PTPN5: variants seen among roughly 807,000 people sequenced by gnomAD.
PTPN5 encodes the protein tyrosine-protein phosphatase non-receptor type 5.
A neutral mutation model predicts 73.9 loss-of-function variants in PTPN5; 29 were observed. That is an observed-to-expected ratio of 0.39 (90% CI 0.29 to 0.54). The LOEUF is 0.54. Ranked by LOEUF, PTPN5 falls within the 20% of genes least tolerant of loss-of-function variation. The probability of loss-of-function intolerance (pLI) is 0.65; values close to 1 mark genes in which losing one functional copy is unlikely to be tolerated. For synonymous variants in PTPN5, 267 were observed against 304.7 expected, an observed-to-expected ratio of 0.88 and a Z score of 1.29; for missense variants, 652 against 751.4, an observed-to-expected ratio of 0.87 and a Z score of 1.55.
chr11:18,728,665 G>A lies in PTPN5; in HGVS notation c.*269C>T. 1 of 406,694 alleles carries A rather than the reference G, an allele frequency of 2.5e-6. No individual in the cohort carries two copies. The highest frequency in any genetic ancestry group is 3.9e-5 in the South Asian group (1 of 25,652). 25.2% of individuals were successfully genotyped at this position (406,694 alleles called of 1,614,324 possible). A position where few individuals can be genotyped will look rare whatever the true frequency, so the allele number is the denominator to read the frequency against. ...TTGATGGAACCATCGTTAAAAACTG[G>A]AGCCCGGGGTCTGCGTGGTGTGGGT... On this transcript the variant is annotated 3_prime_UTR_variant, in exon 15 of 15. Coordinates refer to ENST00000358540, the MANE Select transcript of PTPN5 (RefSeq NM_006906.2). This position sits in a 1 kb window ranked among gnomAD's most constrained non-coding sequence, Gnocchi z 4.1.
chr11:18,783,644 T>G (rs1564934103), intron 1 of PTPN5, among the ~76,000 whole-genome samples: 1 of 152,152 alleles, frequency 6.6e-6, no homozygotes, highest in Non-Finnish European at 1.5e-5. Context: ...ATTGAGATAA[T>G]GTAGTAAGCA....
chr11:18,775,942 A>G (rs1851130182), intron 1 of PTPN5, among the ~76,000 whole-genome samples: 1 of 152,184 alleles, frequency 6.6e-6, no homozygotes, highest in Admixed American at 6.5e-5. Flanking sequence ...GCCTGAGCCA[A>G]TTATTAAGAG....
intron 2 of PTPN5, among the ~76,000 whole-genome samples, chr11:18,771,226 C>G (rs1340785692): frequency 6.6e-6 from 1 of 152,090 alleles, no homozygotes; most frequent in Non-Finnish European, 1.5e-5. Flanking sequence ...GCTCCTACCA[C>G]CCTCTTAAAG....
chr11:18,780,798 G>A (rs1851384887), intron 1 of PTPN5, among the ~76,000 whole-genome samples: 1 of 152,132 alleles, frequency 6.6e-6, no homozygotes. Context: ...CCCCACGACA[G>A]AAAGCCCAGT....
intron 3 of PTPN5, among the ~76,000 whole-genome samples, chr11:18,755,733 C>T (rs992255931): frequency 3.3e-5 from 5 of 152,042 alleles, no homozygotes; most frequent in African/African-American, 1.2e-4. Context: ...GGGCCTGACG[C>T]GGTGGCTCAC....
chr11:18,736,967 G>A (rs987430342), intron 9 of PTPN5, among the ~76,000 whole-genome samples: 2 of 152,232 alleles, frequency 1.3e-5, no homozygotes, highest in African/African-American at 4.8e-5. Context: ...TAGAGACTGT[G>A]TAACCATAGC....
At chr11:18,761,935 C>T (rs565475682) in intron 3 of PTPN5, among the ~76,000 whole-genome samples, 6 of 152,236 alleles carry the variant, frequency 3.9e-5, no homozygotes, top group Non-Finnish European at 7.4e-5. Context: ...AGGCAGGCCA[C>T]GTGCCCGGGT....
intron 3 of PTPN5, among the ~76,000 whole-genome samples, chr11:18,745,942 G>A (rs952192084): frequency 3.3e-5 from 5 of 151,474 alleles, no homozygotes; most frequent in Admixed American, 6.6e-5. Context: ...TTTGAATATC[G>A]TCTCCTCTAC....
At chr11:18,773,776 G>A (rs138599759) in intron 1 of PTPN5, among the ~76,000 whole-genome samples, 1 of 152,310 alleles carries the variant, frequency 6.6e-6, no homozygotes, top group East Asian at 1.9e-4. Flanking sequence ...TTGGGAGGCA[G>A]GAGACCAGCC....
intron 3 of PTPN5, chr11:18,744,438 G>C: frequency 2.6e-6 from 1 of 386,582 alleles, no homozygotes; most frequent in Non-Finnish European, 4.6e-6. Flanking sequence ...TAAAATGGCA[G>C]GAGGTTTTCC....
chr11:18,775,919 G>C (rs1851129016), intron 1 of PTPN5, among the ~76,000 whole-genome samples: 1 of 152,212 alleles, frequency 6.6e-6, no homozygotes, highest in African/African-American at 2.4e-5. Flanking sequence ...AGCCCAACCT[G>C]CAAGCATGTC....
intron 3 of PTPN5, chr11:18,749,591 G>C: frequency 2.1e-6 from 1 of 484,204 alleles, no homozygotes; most frequent in South Asian, 1.5e-5. Context: ...ATGTAGTATG[G>C]AGGGAAGGAA....
chr11:18,779,791 G>A (rs906860931), intron 1 of PTPN5, among the ~76,000 whole-genome samples: 2 of 152,194 alleles, frequency 1.3e-5, no homozygotes, highest in African/African-American at 2.4e-5. Flanking sequence ...TGGTCCTCCG[G>A]GAAAAGGATG....
intron 3 of PTPN5, among the ~76,000 whole-genome samples, chr11:18,745,636 C>T (rs538143310): frequency 6.6e-6 from 1 of 152,252 alleles, no homozygotes; most frequent in East Asian, 1.9e-4. Flanking sequence ...CTATCACATA[C>T]GAGCACCCCA....
chr11:18,729,336 C>A lies in PTPN5; in HGVS notation c.1604+117G>T. The A allele has an allele frequency of 1.5e-6, 1 of 657,644 alleles. No individual in the cohort carries two copies. The highest frequency in any genetic ancestry group is 2.8e-6 in the Non-Finnish European group (1 of 361,946). 40.7% of individuals were successfully genotyped at this position (657,644 alleles called of 1,614,324 possible). On this transcript the variant is annotated intron_variant, in intron 14 of 14. Transcript: ENST00000358540. The surrounding 1 kb of genome is among the most constrained non-coding windows in gnomAD (Gnocchi z 5.2). ...GCTACTCCTTGTCTGCCCATCAGTC[C>A]GTGCCAGTGTTTTCCATCTGCCCCT...
chr11:18,732,666 A>C lies in PTPN5; in HGVS notation c.1255T>G (p.Tyr419Asp). Residue 419 changes from tyrosine (Y) to aspartate (D), a missense_variant, in exon 12 of 15, where the codon TAC (tyrosine) becomes GAC (aspartate). Tyr to Asp is a radical substitution (Grantham distance 160, BLOSUM62 -3). This residue lies in a region of PTPN5 where 529 missense variants were observed against 573.9 expected (regional missense o/e 0.92). Transcript: ENST00000358540. ...TEYWPEEQVA[Y>D]DGVEITVQKV... is the part of the protein sequence containing the mutation. ...TGCACAGTGATCTCAACACCGTCGT[A>C]CGCCACCTGCTCCTCCGGCCAATAC... The C allele has an allele frequency of 8.1e-6, 13 of 1,613,884 alleles. No individual in the cohort carries two copies. Among genetic ancestry groups the C allele is most frequent in the Non-Finnish European group, 1.1e-5 (13 of 1,180,020 alleles).
chr11:18,753,165 T>A (rs568870822), intron 3 of PTPN5, among the ~76,000 whole-genome samples: 1 of 152,180 alleles, frequency 6.6e-6, no homozygotes, highest in Non-Finnish European at 1.5e-5. Flanking sequence ...GGAAGTGAAC[T>A]CTTCAGCCCA....
intron 1 of PTPN5, among the ~76,000 whole-genome samples, chr11:18,783,365 GT>G (rs965787139): frequency 1.3e-5 from 2 of 152,224 alleles, no homozygotes; most frequent in African/African-American, 4.8e-5. Flanking sequence ...GGAAAGCACT[GT>G]TTTACATCAT....
Position 18,744,209 on chromosome 11 carries a change from A to T in PTPN5, c.98-10T>A. 1 of 1,524,104 alleles carries T rather than the reference A, an allele frequency of 6.6e-7. No homozygotes were observed. Among genetic ancestry groups the T allele is most frequent in the Non-Finnish European group, 8.8e-7 (1 of 1,139,642 alleles). 94.4% of individuals were successfully genotyped at this position (1,524,104 alleles called of 1,614,324 possible). Reference sequence around the variant, plus strand: ...ATCGGCTGGGGGAGACCTGTGGAAGATGGGCCATGCGGGCCGATGACTCCG... The same window carrying T: ...ATCGGCTGGGGGAGACCTGTGGAAGTTGGGCCATGCGGGCCGATGACTCCG... On this transcript the variant is annotated splice_polypyrimidine_tract_variant and intron_variant, in intron 3 of 14. Coordinates refer to ENST00000358540, the MANE Select transcript of PTPN5 (RefSeq NM_006906.2).
Sources: gnomAD v4.1 joint callset for allele counts (sites outside exome capture counted in the v4.1 genomes callset) on GRCh38, gnomAD v4.1.1 for gene constraint, gnomAD v4.1.1 regional missense constraint, Gnocchi (gnomAD v3.1) non-coding constraint, MANE v1.5 for transcripts, NCBI Gene and HGNC (gene_info 2026-07-23, HGNC 2026-07-21) for gene names.